The following KHDRBS2 variants were observed in gnomAD, a reference collection of about 807,000 sequenced individuals.
KHDRBS2 encodes the protein KH domain-containing, RNA-binding, signal transduction-associated protein 2.
KHDRBS2 carries 26 observed loss-of-function variants against 44.3 expected under a neutral mutation model. The ratio of observed to expected loss-of-function variants is 0.59; its 90% CI spans 0.43 to 0.81. The LOEUF is 0.81. Among genes scored for constraint, KHDRBS2 ranks in the 40% least tolerant of loss-of-function variants. The pLI is 0.00. For synonymous variants in KHDRBS2, 194 were observed against 151.1 expected, an observed-to-expected ratio of 1.28 and a Z score of -2.08; for missense variants, 476 against 433.1, an observed-to-expected ratio of 1.10 and a Z score of -0.88.
intron 6 of KHDRBS2, among the ~76,000 whole-genome samples, chr6:61,865,583 C>T (rs1216321012): frequency 6.6e-6 from 1 of 152,128 alleles, no homozygotes; most frequent in Admixed American, 6.5e-5. Context: ...TTCAAGATGG[C>T]ATCTGGGTGG....
intron 4 of KHDRBS2, among the ~76,000 whole-genome samples, chr6:61,919,384 T>C (rs767343356): frequency 2.8e-4 from 42 of 151,858 alleles, no homozygotes; most frequent in Non-Finnish European, 5.9e-4. Context: ...GCTCACATTA[T>C]AGCAAAATGG....
chr6:61,786,347 G>A (rs914290818), intron 6 of KHDRBS2, among the ~76,000 whole-genome samples: 3 of 151,784 alleles, frequency 2.0e-5, no homozygotes, highest in Non-Finnish European at 4.4e-5. Flanking sequence ...TCTTTTTCAT[G>A]ATTAGGGGTC....
At chr6:61,836,641 G>T (rs1383060833) in intron 6 of KHDRBS2, among the ~76,000 whole-genome samples, 2 of 151,986 alleles carry the variant, frequency 1.3e-5, no homozygotes, top group Non-Finnish European at 2.9e-5. Flanking sequence ...ACTAACTAGA[G>T]AAATAAAATG....
chr6:62,160,134 G>A (rs1333924731), intron 2 of KHDRBS2, among the ~76,000 whole-genome samples: 1 of 152,136 alleles, frequency 6.6e-6, no homozygotes, highest in African/African-American at 2.4e-5. Flanking sequence ...ATTCTGACAT[G>A]AGGAGACCAT....
At chr6:61,954,395 ACGTATGTATGCATGCATACATATAT>A (rs1412883129) in intron 4 of KHDRBS2, among the ~76,000 whole-genome samples, 34,560 of 144,580 alleles carry the variant, frequency 0.24, 7,210 homozygotes, top group Non-Finnish European at 0.31. Context: ...ATACATATAT[ACGTATGTATGCATGCATACATATAT>A]ACGTATGTAT....
chr6:62,043,081 T>C (rs1786899718), intron 3 of KHDRBS2, among the ~76,000 whole-genome samples: 1 of 152,148 alleles, frequency 6.6e-6, no homozygotes. Context: ...TTCCTCACTC[T>C]TGTCTGGGTG....
intron 6 of KHDRBS2, among the ~76,000 whole-genome samples, chr6:61,785,389 T>C (rs1478994723): frequency 6.6e-6 from 1 of 152,146 alleles, no homozygotes; most frequent in Non-Finnish European, 1.5e-5. Flanking sequence ...TTTGTATAAA[T>C]ATTTTGAAGA....
intron 4 of KHDRBS2, among the ~76,000 whole-genome samples, chr6:61,904,509 T>C (rs1401099741): frequency 3.3e-5 from 5 of 152,184 alleles, no homozygotes; most frequent in African/African-American, 1.2e-4. Flanking sequence ...GACCAGCAAC[T>C]ACAGATGTAA....
intron 3 of KHDRBS2, among the ~76,000 whole-genome samples, chr6:61,985,190 C>G (rs1389994853): frequency 8.5e-5 from 13 of 152,100 alleles, no homozygotes; most frequent in Non-Finnish European, 4.4e-5. Context: ...CCTTATGAAT[C>G]TTTACAGTCT....
At chr6:61,847,184 T>C (rs1326852493) in intron 6 of KHDRBS2, among the ~76,000 whole-genome samples, 1 of 152,160 alleles carries the variant, frequency 6.6e-6, no homozygotes, top group Admixed American at 6.5e-5. Flanking sequence ...ACAAATACAA[T>C]GAAAAATAAG....
chr6:62,191,101 C>G (rs1280717514), intron 1 of KHDRBS2, among the ~76,000 whole-genome samples: 1 of 152,162 alleles, frequency 6.6e-6, no homozygotes, highest in African/African-American at 2.4e-5. Context: ...TGTTTATTCC[C>G]TGGCTGTACT....
intron 7 of KHDRBS2, among the ~76,000 whole-genome samples, chr6:61,712,703 T>A (rs1279350996): frequency 6.6e-6 from 1 of 151,880 alleles, no homozygotes; most frequent in Non-Finnish European, 1.5e-5. Context: ...CATTAGATAA[T>A]GTTTACACAG....
chr6:61,849,204 G>A (rs888584987), intron 6 of KHDRBS2, among the ~76,000 whole-genome samples: 70 of 152,078 alleles, frequency 4.6e-4, no homozygotes, highest in South Asian at 3.5e-3. Flanking sequence ...TTGTTAAATC[G>A]ACTATAAATA....
chr6:62,098,250 T>G (rs1213771849), intron 2 of KHDRBS2, among the ~76,000 whole-genome samples: 1 of 151,744 alleles, frequency 6.6e-6, no homozygotes, highest in Non-Finnish European at 1.5e-5. Context: ...AAACGTTTTT[T>G]TTTTTTTTTT....
chr6:61,553,162 C>G, the KHDRBS2 span, among the ~76,000 whole-genome samples: 1 of 152,080 alleles, frequency 6.6e-6, no homozygotes, highest in African/African-American at 2.4e-5. Context: ...CTTTTTATTA[C>G]TGATTCAAAT....
At chr6:61,875,026 A>G (rs145101030) in intron 6 of KHDRBS2, among the ~76,000 whole-genome samples, 8 of 152,274 alleles carry the variant, frequency 5.3e-5, no homozygotes, top group African/African-American at 1.9e-4. Context: ...GAGACAGGCA[A>G]GTATGTAACT....
chr6:62,126,145 C>CG (rs1808912628), intron 2 of KHDRBS2, among the ~76,000 whole-genome samples: 1 of 152,126 alleles, frequency 6.6e-6, no homozygotes, highest in African/African-American at 2.4e-5. Context: ...GGCCTGGCAG[C>CG]ATTTACCACA....
At chr6:61,578,463 G>C in the KHDRBS2 span, among the ~76,000 whole-genome samples, 1 of 152,100 alleles carries the variant, frequency 6.6e-6, no homozygotes, top group African/African-American at 2.4e-5. Flanking sequence ...CAAGTCTCTA[G>C]TTTATTAGGT....
At chr6:61,818,718 G>A (rs1053159304) in intron 6 of KHDRBS2, among the ~76,000 whole-genome samples, 98 of 152,020 alleles carry the variant, frequency 6.4e-4, no homozygotes, top group African/African-American at 2.2e-3. Context: ...TGTAGGTTTG[G>A]TTACTGTAAG....
Sources: gnomAD v4.1 joint callset for allele counts (sites outside exome capture counted in the v4.1 genomes callset) on GRCh38, gnomAD v4.1.1 for gene constraint, MANE v1.5 for transcripts, NCBI Gene and HGNC (gene_info 2026-07-23, HGNC 2026-07-21) for gene names.